VPS16: variants seen among roughly 807,000 people sequenced by gnomAD.
VPS16 encodes the protein VPS16 core subunit of CORVET and HOPS complexes, also known as vacuolar protein sorting-associated protein 16 homolog.
A neutral mutation model predicts 116.0 loss-of-function variants in VPS16; 82 were observed. That is an observed-to-expected ratio of 0.71 (90% CI 0.59 to 0.85). The LOEUF (loss-of-function observed/expected upper bound fraction) is 0.85. VPS16 is among the 40% of genes least tolerant of loss of function. VPS16 has a pLI of 0.00. For synonymous variants in VPS16, 406 were observed against 420.7 expected, an observed-to-expected ratio of 0.96 and a Z score of 0.43; for missense variants, 928 against 1,090.6, an observed-to-expected ratio of 0.85 and a Z score of 2.10.
chr20:2,863,281 G>T lies in VPS16; in HGVS notation c.1368-9G>T, dbSNP rs779793557. The T allele has an allele frequency of 1.4e-5, 22 of 1,614,012 alleles. No individual in the cohort carries two copies. The highest frequency in any genetic ancestry group is 1.7e-5 in the Non-Finnish European group (20 of 1,180,026). Reference sequence around the variant, plus strand: ...ACTCCTTGTATCCTTTACCCACCGGGTCTACCAGGCTCGTGTTGCGGAGAC... The same window carrying T: ...ACTCCTTGTATCCTTTACCCACCGGTTCTACCAGGCTCGTGTTGCGGAGAC... On this transcript the variant is annotated splice_polypyrimidine_tract_variant and intron_variant, in intron 14 of 23. Transcript: ENST00000380445. This position sits in a 1 kb window ranked among gnomAD's most constrained non-coding sequence, Gnocchi z 4.4.
intron 1 of VPS16, among the ~76,000 whole-genome samples, chr20:2,842,873 G>T (rs1460143465): frequency 6.0e-5 from 9 of 149,660 alleles, no homozygotes; most frequent in Admixed American, 2.0e-4. Flanking sequence ...TCGATAGATA[G>T]ATAGATGTAT....
In VPS16 at chr20:2,864,458, G is replaced by A. The variant is rs375786650; in HGVS notation, c.1814G>A (p.Arg605Gln). The stretch of plus-strand genomic sequence containing the variant: ...CAGCCCATGGCCCTCAGTTTGTACC[G>A]ACAGGTGTGTGTAGTGGGCAGGGTT... Reference protein sequence around the residue: ...RNQPMALSLYRQFCKHQELET... With the variant: ...RNQPMALSLYQQFCKHQELET... Residue 605 changes from arginine to glutamine, a missense_variant, in exon 18 of 24, where the codon CGA becomes CAA. Arg to Gln is a conservative substitution (Grantham distance 43, BLOSUM62 1). Coordinates refer to ENST00000380445, the MANE Select transcript of VPS16 (RefSeq NM_022575.4). The surrounding 1 kb of genome is among the most constrained non-coding windows in gnomAD (Gnocchi z 5.2). The A allele has an allele frequency of 3.8e-5, 62 of 1,614,036 alleles. No homozygotes were observed. The highest frequency in any genetic ancestry group is 3.8e-5 in the Non-Finnish European group (45 of 1,180,024).
intron 1 of VPS16, among the ~76,000 whole-genome samples, chr20:2,842,611 T>C (rs2088990984): frequency 1.3e-5 from 2 of 148,872 alleles, no homozygotes; most frequent in African/African-American, 5.0e-5. Context: ...CGTCTATATA[T>C]AGATATATCT....
Position 2,860,877 on chromosome 20 carries a change from G to A in VPS16, c.630+14G>A. On this transcript the variant is annotated intron_variant, in intron 6 of 23. Transcript: ENST00000380445. The surrounding 1 kb of genome is among the most constrained non-coding windows in gnomAD (Gnocchi z 6.1). ...TGCTCCGCAGTGGTAAGGGCCCTGA[G>A]TGGGAATGAAGTGGACGGGCTGGGT... The A allele has an allele frequency of 1.2e-6, 2 of 1,614,156 alleles. No homozygotes were observed. Among genetic ancestry groups the A allele is most frequent in the African/African-American group, 2.7e-5 (2 of 75,072 alleles).
intron 1 of VPS16, among the ~76,000 whole-genome samples, chr20:2,849,300 C>CTTT (rs11473184): frequency 0.032 from 4,225 of 133,614 alleles, 163 homozygotes; most frequent in African/African-American, 0.087. Context: ...GAATAAGATT[C>CTTT]TTTTTTTTTT....
intron 1 of VPS16, among the ~76,000 whole-genome samples, chr20:2,845,632 A>G (rs2089051503): frequency 6.6e-6 from 1 of 151,968 alleles, no homozygotes; most frequent in South Asian, 2.1e-4. Context: ...AATATACATG[A>G]TATAAAATTT....
intron 1 of VPS16, among the ~76,000 whole-genome samples, chr20:2,850,642 AAAAG>A (rs2089108807): frequency 6.6e-6 from 1 of 152,100 alleles, no homozygotes; most frequent in Admixed American, 6.6e-5. Context: ...AAGAAAAAGA[AAAAG>A]AAAAAAATTA....
chr20:2,855,910 G>A (rs1479387437), intron 1 of VPS16, among the ~76,000 whole-genome samples: 2 of 152,156 alleles, frequency 1.3e-5, no homozygotes, highest in Non-Finnish European at 2.9e-5. Flanking sequence ...CTCCTTACCC[G>A]CAAAAAGGCT....
At chr20:2,850,965 CAAAA>C (rs57731229) in intron 1 of VPS16, among the ~76,000 whole-genome samples, 2 of 91,454 alleles carry the variant, frequency 2.2e-5, no homozygotes, top group African/African-American at 3.5e-5. Context: ...GTAAGACTGT[CAAAA>C]AAAAAAAAAA....
chr20:2,865,978 C>T lies in VPS16; in HGVS notation c.2272-234C>T, dbSNP rs1015153296. 13 of 558,886 alleles carry T rather than the reference C, an allele frequency of 2.3e-5. No homozygotes were observed. The highest frequency in any genetic ancestry group is 6.3e-5 in the South Asian group (3 of 47,944). The allele number at this position is 558,886 out of a possible 1,614,324, so 34.6% of individuals were successfully genotyped here. A position where few individuals can be genotyped will look rare whatever the true frequency, so the allele number is the denominator to read the frequency against. On this transcript the variant is annotated intron_variant, in intron 22 of 23. Transcript: ENST00000380445. This position sits in a 1 kb window ranked among gnomAD's most constrained non-coding sequence, Gnocchi z 5.2. ...GTAATGGTGGGTGGTAGAGCAGAAG[C>T]GTGGAAATAATTGGTCTCAAGTCTC...
intron 7 of VPS16, 64 bp from the exon 8 acceptor site, chr20:2,861,161 A>C: frequency 6.2e-7 from 1 of 1,614,154 alleles, no homozygotes; most frequent in Non-Finnish European, 8.5e-7. Context: ...GTGATGCGGG[A>C]GGGCTTTTCG....
At chr20:2,856,309 C>G (rs1043247105) in intron 1 of VPS16, among the ~76,000 whole-genome samples, 1 of 151,978 alleles carries the variant, frequency 6.6e-6, no homozygotes, top group African/African-American at 2.4e-5. Context: ...TGTGGCACCC[C>G]AAAACAATTA....
At chr20:2,850,425 G>A (rs997585194) in intron 1 of VPS16, among the ~76,000 whole-genome samples, 13 of 152,076 alleles carry the variant, frequency 8.5e-5, no homozygotes, top group African/African-American at 2.4e-4. Context: ...TCAAGAAATC[G>A]AGACTATCTG....
rs1282711175 is a variant in VPS16 at position 2,860,935 on chromosome 20, G to C, written c.631-35G>C. 1.2e-6 allele frequency: 2 copies of C among 1,614,054 alleles called. No homozygotes were observed. Among genetic ancestry groups the C allele is most frequent in the Non-Finnish European group, 1.7e-6 (2 of 1,180,030 alleles). On this transcript the variant is annotated intron_variant, in intron 6 of 23. Coordinates refer to ENST00000380445, the MANE Select transcript of VPS16 (RefSeq NM_022575.4). This position sits in a 1 kb window ranked among gnomAD's most constrained non-coding sequence, Gnocchi z 6.1. The stretch of plus-strand genomic sequence containing the variant: ...TAGGGAGGTTCTGAAAAGTCAGTAT[G>C]TATCTGTCCCACCCCTACCCTGGCT...
chr20:2,855,248 G>A (rs961096893), intron 1 of VPS16, among the ~76,000 whole-genome samples: 10 of 151,472 alleles, frequency 6.6e-5, no homozygotes, highest in Non-Finnish European at 1.5e-4. Flanking sequence ...ATGAACCACC[G>A]CGCCTGGCCA....
chr20:2,849,939 A>G (rs1295373708), intron 1 of VPS16, among the ~76,000 whole-genome samples: 1 of 152,202 alleles, frequency 6.6e-6, no homozygotes, highest in Admixed American at 6.5e-5. Context: ...TCCCATCTTT[A>G]GGGGGTCTAT....
At chr20:2,846,336 C>T (rs1338726120) in intron 1 of VPS16, among the ~76,000 whole-genome samples, 1 of 151,934 alleles carries the variant, frequency 6.6e-6, no homozygotes, top group South Asian at 2.1e-4. Context: ...AGGCTGCTTT[C>T]GAACTCCTGA....
chr20:2,841,408 A>G (rs866853664), intron 1 of VPS16, among the ~76,000 whole-genome samples: 1 of 152,142 alleles, frequency 6.6e-6, no homozygotes, highest in Non-Finnish European at 1.5e-5. Context: ...AAAACTACGA[A>G]CTTCTCGTGG....
chr20:2,859,687 A>G, intron 1 of VPS16, 32 bp from the exon 2 acceptor site: 8 of 1,609,062 alleles, frequency 5.0e-6, no homozygotes, highest in Non-Finnish European at 6.8e-6. Context: ...CAGGGTAATG[A>G]GGCTAATTTC....
Sources: gnomAD v4.1 joint callset for allele counts (sites outside exome capture counted in the v4.1 genomes callset) on GRCh38, gnomAD v4.1.1 for gene constraint, Gnocchi (gnomAD v3.1) non-coding constraint, MANE v1.5 for transcripts, NCBI Gene and HGNC (gene_info 2026-07-23, HGNC 2026-07-21) for gene names.